HMCN1: variants seen among roughly 807,000 people sequenced by gnomAD.
HMCN1 encodes hemicentin-1.
In HMCN1, 321 loss-of-function variants were observed where a neutral mutation model predicts 625.9. That is an observed-to-expected ratio of 0.51 (90% CI 0.47 to 0.56). The LOEUF (loss-of-function observed/expected upper bound fraction) is 0.56. Ranked by LOEUF, HMCN1 falls within the 20% of genes least tolerant of loss-of-function variation. HMCN1 has a pLI of 0.00. For missense variants in HMCN1, 6,588 were observed against 6,887.3 expected (o/e 0.96, Z 1.54); for synonymous variants, 2,425 against 2,417.6 (o/e 1.00, Z -0.09).
At chr1:185,876,955 T>C (rs1456647384) in intron 4 of HMCN1, among the ~76,000 whole-genome samples, 3 of 152,110 alleles carry the variant, frequency 2.0e-5, no homozygotes, top group Non-Finnish European at 4.4e-5. Flanking sequence ...CATTTGCTTT[T>C]GAGTTCTTAG....
In HMCN1 at chr1:186,171,428, G is replaced by A. The variant is rs749932345; in HGVS notation, c.15666G>A (p.Gln5222=). 1.2e-6 allele frequency: 2 copies of A among 1,613,106 alleles called. No homozygotes were observed. The highest frequency in any genetic ancestry group is 1.1e-5 in the South Asian group (1 of 91,064). The change falls in exon 101 of 107, where the codon CAG becomes CAA. Residue 5222 remains glutamine (Q), a synonymous_variant. Transcript: ENST00000271588. Reference sequence around the variant, plus strand: ...ATTGTGGATGTGAACCTGGGTATCAGCTCAAAGGCAGAAAATGCATGGGTA... The same window carrying A: ...ATTGTGGATGTGAACCTGGGTATCAACTCAAAGGCAGAAAATGCATGGGTA... ...SFHCGCEPGY[Q]LKGRKCMDVN...
At chr1:186,032,020 A>G (rs1235339728) in intron 36 of HMCN1, among the ~76,000 whole-genome samples, 1 of 151,878 alleles carries the variant, frequency 6.6e-6, no homozygotes, top group Non-Finnish European at 1.5e-5. Flanking sequence ...CCTATATAAA[A>G]TTATATAGTA....
intron 93 of HMCN1, among the ~76,000 whole-genome samples, chr1:186,148,935 C>CTTTTTTTT (rs57126500): frequency 7.0e-6 from 1 of 143,304 alleles, no homozygotes. Flanking sequence ...TGAAAGGAAT[C>CTTTTTTTT]TTTTTTTTTT....
chr1:185,744,392 A>G (rs909536237), intron 1 of HMCN1, among the ~76,000 whole-genome samples: 1 of 152,138 alleles, frequency 6.6e-6, no homozygotes, highest in African/African-American at 2.4e-5. Context: ...GTGCTTTGAG[A>G]AGCATGTATG....
intron 1 of HMCN1, among the ~76,000 whole-genome samples, chr1:185,752,357 C>G (rs1039164984): frequency 6.6e-6 from 1 of 152,030 alleles, no homozygotes; most frequent in Non-Finnish European, 1.5e-5. Flanking sequence ...CCATAAAAAT[C>G]GTGCCGACAT....
At chr1:185,865,525 A>G (rs947927727) in intron 3 of HMCN1, among the ~76,000 whole-genome samples, 7 of 151,250 alleles carry the variant, frequency 4.6e-5, no homozygotes, top group African/African-American at 1.7e-4. Flanking sequence ...ATAAATCACC[A>G]TGTTCCTATC....
chr1:186,021,043 A>G (rs1654684267), intron 35 of HMCN1, among the ~76,000 whole-genome samples: 1 of 152,136 alleles, frequency 6.6e-6, no homozygotes. Context: ...CCAATAATAG[A>G]TATGTAGAAA....
intron 22 of HMCN1, 108 bp from the exon 23 acceptor site, chr1:185,993,074 G>A (rs1199007206): frequency 1.0e-5 from 11 of 1,079,386 alleles, no homozygotes; most frequent in African/African-American, 1.5e-5. Context: ...TGGGAAAATG[G>A]TTTAAAAAAC....
intron 105 of HMCN1, among the ~76,000 whole-genome samples, chr1:186,187,188 C>T (rs1267788422): frequency 6.7e-6 from 1 of 149,896 alleles, no homozygotes; most frequent in Non-Finnish European, 1.5e-5. Context: ...ATTTCTTTTG[C>T]GTATTTTCCC....
chr1:186,177,303 C>CA (rs58160762), intron 103 of HMCN1: 17,341 of 123,868 alleles, frequency 0.14, 1,159 homozygotes, highest in Middle Eastern at 0.15. Flanking sequence ...AACTCCATCT[C>CA]AAAAAAAAAA....
chr1:186,005,563 AAATTGTTTAT>A (rs961790444), intron 29 of HMCN1, among the ~76,000 whole-genome samples: 5 of 151,890 alleles, frequency 3.3e-5, no homozygotes, highest in African/African-American at 1.2e-4. Flanking sequence ...TTAATTGTTT[AAATTGTTTAT>A]AAATGTAAAA....
intron 1 of HMCN1, among the ~76,000 whole-genome samples, chr1:185,777,587 G>C (rs1656708058): frequency 6.6e-6 from 1 of 152,082 alleles, no homozygotes; most frequent in Non-Finnish European, 1.5e-5. Flanking sequence ...GAGTAGCTGG[G>C]ACTACAGGCA....
Position 185,977,965 on chromosome 1 carries a change from A to G in HMCN1, c.2550A>G (p.Gly850=). The part of the protein sequence containing the change: ...SVSSISQLRT[G]ALFILNLWAS... ...GTTCCATCAGCCAACTAAGAACAGGAGCTCTCTTTATTTTAAGTAGGTTGA... is the reference window on the plus strand; with the variant it reads ...GTTCCATCAGCCAACTAAGAACAGGGGCTCTCTTTATTTTAAGTAGGTTGA... The change falls in exon 16 of 107, where the codon GGA becomes GGG. Residue 850 remains glycine (G), a synonymous_variant. Coordinates refer to ENST00000271588, the MANE Select transcript of HMCN1 (RefSeq NM_031935.3). 1.2e-6 allele frequency: 2 copies of G among 1,611,536 alleles called. No homozygotes were observed. Among genetic ancestry groups the G allele is most frequent in the Non-Finnish European group, 8.5e-7 (1 of 1,177,936 alleles).
Position 185,910,113 on chromosome 1 carries a change from G to A in HMCN1, c.793+605G>A, listed in dbSNP as rs183142851. On this transcript the variant is annotated intron_variant, in intron 5 of 106. Coordinates refer to ENST00000271588, the MANE Select transcript of HMCN1 (RefSeq NM_031935.3). The stretch of plus-strand genomic sequence containing the variant: ...CTAGTAAAGACAGAAATCTTTAATC[G>A]TTTCTTAACATTTTCATTTAGAAAT... Among the ~76,000 whole-genome samples the A allele has an allele frequency of 9.3e-4, 142 of 151,872 alleles. 1 individual carries two copies. Among genetic ancestry groups the A allele is most frequent in the Admixed American group, 5.2e-4 (8 of 15,248 alleles).
intron 71 of HMCN1, among the ~76,000 whole-genome samples, chr1:186,111,206 C>A (rs1031440799): frequency 6.6e-6 from 1 of 151,752 alleles, no homozygotes; most frequent in Non-Finnish European, 1.5e-5. Context: ...TGGTCTCGAT[C>A]TCCTGACCTC....
intron 1 of HMCN1, among the ~76,000 whole-genome samples, chr1:185,816,543 T>C (rs1659855686): frequency 6.6e-6 from 1 of 152,206 alleles, no homozygotes. Flanking sequence ...TTTTAAATAA[T>C]GATGTATAAC....
intron 11 of HMCN1, among the ~76,000 whole-genome samples, chr1:185,942,919 C>CT (rs902027199): frequency 2.9e-4 from 43 of 146,634 alleles, no homozygotes; most frequent in South Asian, 8.7e-4. Context: ...ATTTTATTTA[C>CT]TTTTTTTTTT....
intron 4 of HMCN1, among the ~76,000 whole-genome samples, chr1:185,882,189 G>T (rs1021737067): frequency 3.3e-5 from 5 of 152,098 alleles, no homozygotes; most frequent in African/African-American, 1.2e-4. Flanking sequence ...AACTTATGGG[G>T]CTAGCTGCAT....
chr1:186,103,379 A>C, intron 68 of HMCN1, 93 bp from the exon 69 acceptor site: 1 of 974,104 alleles, frequency 1.0e-6, no homozygotes. Context: ...TTATCATGTG[A>C]ATGTGAATTT....
Sources: gnomAD v4.1 joint callset for allele counts (sites outside exome capture counted in the v4.1 genomes callset) on GRCh38, gnomAD v4.1.1 for gene constraint, MANE v1.5 for transcripts, NCBI Gene and HGNC (gene_info 2026-07-23, HGNC 2026-07-21) for gene names.